Variants in ANKS1B observed in about 807,000 individuals in gnomAD.
ANKS1B encodes ankyrin repeat and sterile alpha motif domain-containing protein 1B.
ANKS1B carries 36 observed loss-of-function variants against 148.3 expected under a neutral mutation model. The observed-to-expected ratio is 0.24, with a 90% CI of 0.19 to 0.32. ANKS1B has a LOEUF of 0.32. Among genes scored for constraint, ANKS1B ranks in the 10% least tolerant of loss-of-function variants. ANKS1B has a pLI of 1.00. For synonymous variants in ANKS1B, 542 were observed against 560.8 expected (o/e 0.97, Z 0.47); for missense variants, 1,157 against 1,542.6 (o/e 0.75, Z 4.19).
At chr12:99,610,859 T>C (rs1230037174) in intron 9 of ANKS1B, among the ~76,000 whole-genome samples, 1 of 152,126 alleles carries the variant, frequency 6.6e-6, no homozygotes, top group Non-Finnish European at 1.5e-5. Flanking sequence ...AGAATATTTA[T>C]GAGTATGCCT....
chr12:99,953,921 G>A (rs1320887836), intron 1 of ANKS1B, among the ~76,000 whole-genome samples: 1 of 152,122 alleles, frequency 6.6e-6, no homozygotes, highest in Non-Finnish European at 1.5e-5. Flanking sequence ...TATAGAGAGT[G>A]AAAAAGGTTT....
chr12:99,262,548 G>A (rs2076029333), intron 12 of ANKS1B, among the ~76,000 whole-genome samples: 1 of 151,970 alleles, frequency 6.6e-6, no homozygotes. Flanking sequence ...AGTAAAGAGA[G>A]AAGAAAGACA....
intron 14 of ANKS1B, chr12:99,154,651 G>A (rs2075769997): frequency 2.1e-6 from 3 of 1,441,338 alleles, no homozygotes; most frequent in South Asian, 1.5e-5. Context: ...CTTTACTACC[G>A]ACCAGTACGT....
At chr12:99,119,847 T>G (rs1191841634) in intron 15 of ANKS1B, among the ~76,000 whole-genome samples, 2 of 152,200 alleles carry the variant, frequency 1.3e-5, no homozygotes, top group African/African-American at 4.8e-5. Flanking sequence ...GAAACCAATT[T>G]GACCACAGTC....
chr12:99,743,740 T>C lies in ANKS1B; in HGVS notation c.1128+29182A>G, dbSNP rs145733731. ...AATAACACTACAATAACTAAGCTCGTCTCTAACAGATGTATTCTGTGGAAA... is the reference window on the plus strand; with the variant it reads ...AATAACACTACAATAACTAAGCTCGCCTCTAACAGATGTATTCTGTGGAAA... On this transcript the variant is annotated intron_variant, in intron 8 of 26. Transcript: ENST00000683438. Among the ~76,000 whole-genome samples, 1,004 of 152,274 alleles carry C rather than the reference T, an allele frequency of 6.6e-3. 30 individuals are homozygous for C. The highest frequency in any genetic ancestry group is 0.055 in the Admixed American group (844 of 15,290).
At chr12:99,699,840 G>A (rs2054530752) in intron 8 of ANKS1B, among the ~76,000 whole-genome samples, 2 of 152,142 alleles carry the variant, frequency 1.3e-5, no homozygotes, top group South Asian at 4.1e-4. Context: ...AGAAATCTTT[G>A]CCTTCAAGCA....
chr12:99,228,990 C>T (rs2086401353), intron 14 of ANKS1B, among the ~76,000 whole-genome samples: 1 of 151,734 alleles, frequency 6.6e-6, no homozygotes, highest in Admixed American at 6.6e-5. Flanking sequence ...GGATATACTT[C>T]TTTATTAAAT....
At chr12:99,469,107 G>C (rs1476097579) in intron 10 of ANKS1B, among the ~76,000 whole-genome samples, 1 of 152,036 alleles carries the variant, frequency 6.6e-6, no homozygotes, top group Non-Finnish European at 1.5e-5. Flanking sequence ...ATACTATGCA[G>C]ACATAAAAAA....
chr12:99,782,131 G>A lies in ANKS1B; in HGVS notation c.670-34C>T, dbSNP rs1024349067. ...AAAAAAGTAAGAAAAAAGAAAGCAC[G>A]GTTGCATTTGGAATGCTTACAGGTT... On this transcript the variant is annotated intron_variant, in intron 4 of 26. Transcript: ENST00000683438. 2.6e-5 allele frequency: 39 copies of A among 1,518,378 alleles called. No individual in the cohort carries two copies. In the African/African-American group the frequency reaches 3.0e-4, roughly 12 times the overall value. The allele number at this position is 1,518,378 out of a possible 1,614,324, so 94.1% of individuals were successfully genotyped here. A position where few individuals can be genotyped will look rare whatever the true frequency, so the allele number is the denominator to read the frequency against.
intron 9 of ANKS1B, among the ~76,000 whole-genome samples, chr12:99,635,119 G>A (rs2098219834): frequency 6.6e-6 from 1 of 152,116 alleles, no homozygotes; most frequent in Non-Finnish European, 1.5e-5. Context: ...GTGTTGGCTA[G>A]GATGTGAAGA....
At chr12:99,468,391 T>C (rs939045510) in intron 10 of ANKS1B, among the ~76,000 whole-genome samples, 7 of 152,322 alleles carry the variant, frequency 4.6e-5, no homozygotes, top group African/African-American at 1.7e-4. Context: ...AAGGACTTCA[T>C]GTCTAAAACA....
chr12:99,811,749 T>C (rs1462677362), intron 3 of ANKS1B, among the ~76,000 whole-genome samples: 1 of 151,876 alleles, frequency 6.6e-6, no homozygotes, highest in Non-Finnish European at 1.5e-5. Context: ...ACCATGAAAG[T>C]GCTAAGTAAA....
At chr12:99,577,292 C>CGAAT (rs1555498257) in intron 9 of ANKS1B, among the ~76,000 whole-genome samples, 1 of 144,654 alleles carries the variant, frequency 6.9e-6, no homozygotes, top group Non-Finnish European at 1.5e-5. Flanking sequence ...CTGTTCACAT[C>CGAAT]AAATAAATAA....
intron 12 of ANKS1B, among the ~76,000 whole-genome samples, chr12:99,346,618 C>T (rs56832297): frequency 0.04 from 6,043 of 151,930 alleles, 376 homozygotes; most frequent in African/African-American, 0.13. Context: ...AAAAACAAAA[C>T]GAAACAAACA....
intron 9 of ANKS1B, among the ~76,000 whole-genome samples, chr12:99,613,330 CA>C (rs1279117050): frequency 1.3e-5 from 2 of 152,076 alleles, no homozygotes. Flanking sequence ...AAATATCATT[CA>C]ACCCAGCAAT....
At chr12:99,282,543 A>C (rs1208313428) in intron 12 of ANKS1B, among the ~76,000 whole-genome samples, 1 of 152,168 alleles carries the variant, frequency 6.6e-6, no homozygotes, top group Non-Finnish European at 1.5e-5. Context: ...GCCAATTAAA[A>C]GGCTATTATT....
chr12:98,912,313 T>C (rs2099787929), intron 17 of ANKS1B, among the ~76,000 whole-genome samples: 1 of 152,208 alleles, frequency 6.6e-6, no homozygotes, highest in Non-Finnish European at 1.5e-5. Context: ...TTGCTGTTAG[T>C]ATCCTGAGCA....
chr12:99,027,602 G>A (rs561641964), intron 17 of ANKS1B, among the ~76,000 whole-genome samples: 21 of 152,334 alleles, frequency 1.4e-4, no homozygotes, highest in Non-Finnish European at 2.6e-4. Context: ...AATTAAAGAG[G>A]TTGTCAACTC....
At chr12:99,149,031 T>C (rs1312055207) in intron 15 of ANKS1B, among the ~76,000 whole-genome samples, 1 of 151,306 alleles carries the variant, frequency 6.6e-6, no homozygotes, top group African/African-American at 2.4e-5. Context: ...TTCACAAAAT[T>C]TTCCTAACCA....
Sources: allele counts gnomAD v4.1 joint callset (sites outside exome capture counted in the v4.1 genomes callset), GRCh38; gene constraint gnomAD v4.1.1; transcripts MANE v1.5; gene names NCBI Gene and HGNC (gene_info 2026-07-23, HGNC 2026-07-21).